Variants in SCARA3 observed in about 807,000 individuals in gnomAD.
The protein encoded by SCARA3 is cellular stress response gene protein.
A neutral mutation model predicts 47.0 loss-of-function variants in SCARA3; 39 were observed. The ratio of observed to expected loss-of-function variants is 0.83; its 90% CI spans 0.64 to 1.08. The LOEUF (loss-of-function observed/expected upper bound fraction) is 1.08. Ranked by LOEUF, SCARA3 falls within the 50% of genes least tolerant of loss-of-function variation. The pLI, the probability that SCARA3 is intolerant of heterozygous loss-of-function variation, is 0.00. For synonymous variants in SCARA3, 356 were observed against 334.1 expected, an observed-to-expected ratio of 1.07 and a Z score of -0.71; for missense variants, 724 against 792.3, an observed-to-expected ratio of 0.91 and a Z score of 1.04.
the SCARA3 span, among the ~76,000 whole-genome samples, chr8:27,695,564 C>G: frequency 5.4e-4 from 82 of 152,132 alleles, no homozygotes; most frequent in African/African-American, 1.9e-3. Flanking sequence ...GCAATAGAAA[C>G]TAATCCAGAG....
the SCARA3 span, among the ~76,000 whole-genome samples, chr8:27,689,897 G>A: frequency 6.6e-6 from 1 of 152,192 alleles, no homozygotes; most frequent in Admixed American, 6.5e-5. Flanking sequence ...GTTGACCCAG[G>A]AGGATTTCTT....
At chr8:27,727,301 A>T in the SCARA3 span, among the ~76,000 whole-genome samples, 1 of 152,208 alleles carries the variant, frequency 6.6e-6, no homozygotes. Flanking sequence ...AAAGGCAAAG[A>T]GCTTTGAAAC....
Position 27,656,847 on chromosome 8 carries a change from C to T in SCARA3, c.292C>T (p.Leu98Phe), listed in dbSNP as rs747823707. Residue 98 changes from leucine (L) to phenylalanine (F), a missense_variant, in exon 4 of 6, where the codon CTT becomes TTT. Transcript: ENST00000301904. ...GACCCAGTCTATTTATGACAAGAAG[C>T]TTGTGTTAATGCAGAAAAATCTCCA... ...SLTQSIYDKKLVLMQKNLQGL... is the reference protein window; with the variant it reads ...SLTQSIYDKKFVLMQKNLQGL... The T allele has an allele frequency of 1.9e-6, 3 of 1,612,336 alleles. No homozygotes were observed. Among genetic ancestry groups the T allele is most frequent in the Non-Finnish European group, 1.7e-6 (2 of 1,178,314 alleles).
chr8:27,671,610 A>C lies in SCARA3; in HGVS notation c.*259A>C. ...CATACACGCACATGCACACATACACATGCATGCACACATACACAGGCATAC... is the reference window on the plus strand; with the variant it reads ...CATACACGCACATGCACACATACACCTGCATGCACACATACACAGGCATAC... On this transcript the variant is annotated 3_prime_UTR_variant, in exon 6 of 6. Transcript: ENST00000301904. The C allele has an allele frequency of 1.7e-6, 2 of 1,204,438 alleles. No homozygotes were observed. Among genetic ancestry groups the C allele is most frequent in the Non-Finnish European group, 1.0e-6 (1 of 968,190 alleles). The allele number at this position is 1,204,438 out of a possible 1,614,324, so 74.6% of individuals were successfully genotyped here.
the SCARA3 span, chr8:27,733,658 GGTCACTCA>G: frequency 2.6e-5 from 4 of 152,066 alleles, no homozygotes; most frequent in African/African-American, 9.7e-5. Context: ...AAAATCAAAA[GGTCACTCA>G]GTCACTCTAA....
At chr8:27,666,707 C>A (rs1420685422) in intron 5 of SCARA3, among the ~76,000 whole-genome samples, 1 of 152,202 alleles carries the variant, frequency 6.6e-6, no homozygotes, top group Non-Finnish European at 1.5e-5. Flanking sequence ...TGTAAGCTGG[C>A]CAGTTGCCTT....
the SCARA3 span, among the ~76,000 whole-genome samples, chr8:27,723,564 C>T: frequency 1.3e-5 from 2 of 152,152 alleles, no homozygotes; most frequent in African/African-American, 2.4e-5. Flanking sequence ...TTGTCCCAGT[C>T]GATCCCTTCT....
At chr8:27,664,027 C>T (rs965307376) in intron 5 of SCARA3, among the ~76,000 whole-genome samples, 2 of 152,234 alleles carry the variant, frequency 1.3e-5, no homozygotes, top group African/African-American at 4.8e-5. Context: ...AACAACTAAT[C>T]CTTCACCTTA....
the SCARA3 span, among the ~76,000 whole-genome samples, chr8:27,689,742 G>T: frequency 5.3e-5 from 8 of 152,174 alleles, no homozygotes; most frequent in African/African-American, 9.7e-5. Context: ...GCTATGCTTA[G>T]GCTGGGCCGG....
chr8:27,651,747 A>AAGATGCTGGC, intron 3 of SCARA3, 120 bp downstream of exon 3: 1 of 1,349,616 alleles, frequency 7.4e-7, no homozygotes, highest in Non-Finnish European at 1.0e-6. Flanking sequence ...CAGAGCCAGC[A>AAGATGCTGGC]TCTTCCTGGC....
intron 3 of SCARA3, among the ~76,000 whole-genome samples, chr8:27,652,540 G>T (rs1156846866): frequency 6.6e-6 from 1 of 152,196 alleles, no homozygotes; most frequent in Non-Finnish European, 1.5e-5. Flanking sequence ...CTGAGCCTGA[G>T]CACATCCCTA....
At chr8:27,721,961 C>T in the SCARA3 span, among the ~76,000 whole-genome samples, 5 of 152,168 alleles carry the variant, frequency 3.3e-5, no homozygotes, top group South Asian at 2.1e-4. Context: ...TGGAGGCATG[C>T]GCCTGTGGTC....
intron 1 of SCARA3, among the ~76,000 whole-genome samples, chr8:27,638,532 T>G (rs934154974): frequency 1.3e-5 from 2 of 152,048 alleles, no homozygotes; most frequent in African/African-American, 4.8e-5. Flanking sequence ...ACTTAGGGGG[T>G]GTCCACTAAG....
the SCARA3 span, chr8:27,703,756 A>G: frequency 2.6e-5 from 4 of 151,826 alleles, no homozygotes; most frequent in Non-Finnish European, 5.9e-5. Context: ...GAGAACCTAC[A>G]GCAAAATGGC....
At chr8:27,707,821 C>CAA in the SCARA3 span, among the ~76,000 whole-genome samples, 115,565 of 142,322 alleles carry the variant, frequency 0.81, 47,442 homozygotes, top group East Asian at 0.93. Context: ...GAAAAACTTC[C>CAA]AAAAAAAAAA....
At chr8:27,682,162 A>G in the SCARA3 span, among the ~76,000 whole-genome samples, 1 of 152,226 alleles carries the variant, frequency 6.6e-6, no homozygotes, top group East Asian at 1.9e-4. Flanking sequence ...CAAAGGCACC[A>G]GAAGAAATGA....
At chr8:27,646,345 GC>G (rs1217326558) in intron 1 of SCARA3, among the ~76,000 whole-genome samples, 1 of 152,222 alleles carries the variant, frequency 6.6e-6, no homozygotes, top group Non-Finnish European at 1.5e-5. Flanking sequence ...AATCTGGGGG[GC>G]TGTCCATTGG....
intron 5 of SCARA3, among the ~76,000 whole-genome samples, chr8:27,669,545 C>T (rs1802098604): frequency 3.3e-5 from 5 of 152,242 alleles, no homozygotes; most frequent in Admixed American, 3.3e-4. Flanking sequence ...TTCTCTGAGG[C>T]CAGGCTGCTG....
rs1277428400 is a variant in SCARA3, at chr8:27,670,995, TTGGGCCCCC to T, written c.1470_1478del (p.Leu492_Pro494del). The T allele has an allele frequency of 6.8e-6, 11 of 1,608,978 alleles. No homozygotes were observed. The highest frequency in any genetic ancestry group is 9.3e-6 in the Non-Finnish European group (11 of 1,178,654). On this transcript the variant is annotated inframe_deletion, in exon 6 of 6. Transcript: ENST00000301904. ...AGGCCCGAAAGGAGACCCCGGCAGC[TTGGGCCCCC>T]TGGGACCCCAGGGTCCTCAGGGGCA... is the stretch of plus-strand genomic sequence containing the variant.
Sources: allele counts gnomAD v4.1 joint callset (sites outside exome capture counted in the v4.1 genomes callset), GRCh38; gene constraint gnomAD v4.1.1; transcripts MANE v1.5; gene names NCBI Gene and HGNC (gene_info 2026-07-23, HGNC 2026-07-21).